BCL2L13: variants seen among roughly 807,000 people sequenced by gnomAD.
BCL2L13 encodes BCL2 like 13.
Under a neutral mutation model 25.8 loss-of-function variants are expected in BCL2L13, and 13 were observed. The ratio of observed to expected loss-of-function variants is 0.50; its 90% CI spans 0.33 to 0.80. BCL2L13 has a LOEUF of 0.80. BCL2L13 is among the 30% of genes least tolerant of loss of function. The pLI, the probability that BCL2L13 is intolerant of heterozygous loss-of-function variation, is 0.02. For synonymous variants in BCL2L13, 244 were observed against 230.3 expected (o/e 1.06, Z -0.54); for missense variants, 504 against 574.9 (o/e 0.88, Z 1.26).
At chr22:17,679,296 T>C (rs546574543) in intron 2 of BCL2L13, among the ~76,000 whole-genome samples, 163 of 140,578 alleles carry the variant, frequency 1.2e-3, no homozygotes, top group African/African-American at 4.3e-3. Flanking sequence ...TTTGAGACAG[T>C]TTCACCCTTG....
At chr22:17,678,988 C>T (rs576877916) in intron 2 of BCL2L13, among the ~76,000 whole-genome samples, 52 of 152,242 alleles carry the variant, frequency 3.4e-4, no homozygotes, top group African/African-American at 1.1e-3. Flanking sequence ...TCATTGTCCC[C>T]ACAAGTTACT....
chr22:17,723,101 T>G (rs1392501901), intron 6 of BCL2L13, among the ~76,000 whole-genome samples: 1 of 152,200 alleles, frequency 6.6e-6, no homozygotes, highest in Non-Finnish European at 1.5e-5. Context: ...CAGCTTCCGG[T>G]TAGGATCTCC....
chr22:17,682,896 G>A (rs2059797196), intron 2 of BCL2L13, among the ~76,000 whole-genome samples: 1 of 152,190 alleles, frequency 6.6e-6, no homozygotes, highest in South Asian at 2.1e-4. Context: ...CACTTTGGGA[G>A]GCCGAGGCAG....
At chr22:17,657,614 C>T (rs886168894) in intron 2 of BCL2L13, among the ~76,000 whole-genome samples, 28 of 151,982 alleles carry the variant, frequency 1.8e-4, no homozygotes, top group African/African-American at 6.7e-4. Flanking sequence ...TGGGTTCAAG[C>T]GATTCTTCTG....
At chr22:17,704,987 C>CAAAA (rs138284178) in intron 6 of BCL2L13, among the ~76,000 whole-genome samples, 1 of 114,108 alleles carries the variant, frequency 8.8e-6, no homozygotes, top group African/African-American at 2.9e-5. Flanking sequence ...GAAAGATAGG[C>CAAAA]AAAAAAAAAA....
intron 5 of BCL2L13, among the ~76,000 whole-genome samples, chr22:17,697,137 TAA>T (rs35494765): frequency 6.9e-6 from 1 of 145,682 alleles, no homozygotes. Context: ...AGGTTCTCTT[TAA>T]AAAAAAAAAA....
At chr22:17,630,218 AAAAAAAC>A (rs1433630090) in intron 1 of BCL2L13, among the ~76,000 whole-genome samples, 1 of 129,386 alleles carries the variant, frequency 7.7e-6, no homozygotes, top group African/African-American at 3.4e-5. Context: ...ACTCCGTCTC[AAAAAAAC>A]AAAAAAAAAA....
intron 2 of BCL2L13, among the ~76,000 whole-genome samples, chr22:17,668,622 A>C (rs1009403770): frequency 6.6e-6 from 1 of 151,814 alleles, no homozygotes; most frequent in African/African-American, 2.4e-5. Context: ...GTGCACCACG[A>C]TGCCTGGCTA....
At chr22:17,689,201 A>G (rs1394840056) in intron 4 of BCL2L13, 59 bp downstream of exon 4, 5 of 1,553,012 alleles carry the variant, frequency 3.2e-6, no homozygotes, top group South Asian at 1.2e-5. Flanking sequence ...TCTCTCATGC[A>G]GCACTGGATT....
chr22:17,696,954 C>T (rs2060282629), intron 5 of BCL2L13, among the ~76,000 whole-genome samples: 1 of 152,062 alleles, frequency 6.6e-6, no homozygotes, highest in South Asian at 2.1e-4. Context: ...GGATACAGTG[C>T]TAGAGATGAG....
chr22:17,706,873 T>C, intron 6 of BCL2L13: 2 of 1,306,672 alleles, frequency 1.5e-6, no homozygotes, highest in Non-Finnish European at 2.0e-6. Flanking sequence ...TAAATACTTC[T>C]TGTGAAAGAT....
At chr22:17,724,285 A>G (rs1340082175) in intron 6 of BCL2L13, among the ~76,000 whole-genome samples, 1 of 152,200 alleles carries the variant, frequency 6.6e-6, no homozygotes, top group Non-Finnish European at 1.5e-5. Context: ...AAAATACAAC[A>G]AAAACAATCT....
chr22:17,657,513 CT>C (rs2058913637), intron 2 of BCL2L13, among the ~76,000 whole-genome samples: 1 of 151,284 alleles, frequency 6.6e-6, no homozygotes, highest in Non-Finnish European at 1.5e-5. Context: ...TGTGACATTT[CT>C]TTTTTTCTTT....
chr22:17,660,513 G>A (rs2059029676), intron 2 of BCL2L13, among the ~76,000 whole-genome samples: 1 of 145,808 alleles, frequency 6.9e-6, no homozygotes, highest in African/African-American at 2.4e-5. Context: ...TTCACCTTCT[G>A]GGCTCAGTCG....
chr22:17,723,149 T>G (rs1233726424), intron 6 of BCL2L13, among the ~76,000 whole-genome samples: 5 of 152,102 alleles, frequency 3.3e-5, no homozygotes, highest in African/African-American at 4.8e-5. Context: ...ACCCTCCCTG[T>G]GTCTCTCTCT....
intron 2 of BCL2L13, among the ~76,000 whole-genome samples, chr22:17,675,819 C>A (rs2059560418): frequency 6.6e-6 from 1 of 152,182 alleles, no homozygotes; most frequent in South Asian, 2.1e-4. Context: ...ACATATTAAG[C>A]CATTCTCTCT....
intron 6 of BCL2L13, among the ~76,000 whole-genome samples, chr22:17,709,456 A>G (rs1483267630): frequency 6.9e-6 from 1 of 144,952 alleles, no homozygotes; most frequent in South Asian, 2.3e-4. Flanking sequence ...TTAGCCAGGC[A>G]TGGTCGTGCA....
chr22:17,668,037 G>T, intron 2 of BCL2L13, among the ~76,000 whole-genome samples: 1 of 132,528 alleles, frequency 7.5e-6, no homozygotes, highest in African/African-American at 2.9e-5. Context: ...TTTTGAGACA[G>T]TCTCGCTCTG....
chr22:17,698,516 T>C (rs570328124), intron 5 of BCL2L13, among the ~76,000 whole-genome samples: 5 of 143,572 alleles, frequency 3.5e-5, no homozygotes, highest in African/African-American at 1.3e-4. Context: ...CGCCCAGGAG[T>C]TTGAGACCAG....
Sources: gnomAD v4.1 joint callset for allele counts (sites outside exome capture counted in the v4.1 genomes callset) on GRCh38, gnomAD v4.1.1 for gene constraint, MANE v1.5 for transcripts, NCBI Gene and HGNC (gene_info 2026-07-23, HGNC 2026-07-21) for gene names.